TACC2: variants seen among roughly 807,000 people sequenced by gnomAD.
TACC2 encodes transforming acidic coiled-coil containing protein 2, also known as transforming acidic coiled-coil-containing protein 2.
TACC2 carries 137 observed loss-of-function variants against 227.3 expected under a neutral mutation model. The observed-to-expected ratio is 0.60, with a 90% confidence interval of 0.52 to 0.69. The LOEUF is 0.69. Among genes scored for constraint, TACC2 ranks in the 30% least tolerant of loss-of-function variants. The pLI is 0.00. For synonymous variants in TACC2, 1,523 were observed against 1,487.5 expected, an observed-to-expected ratio of 1.02 and a Z score of -0.55; for missense variants, 3,470 against 3,694.4, an observed-to-expected ratio of 0.94 and a Z score of 1.57.
chr10:122,149,244 C>G (rs1000868648), intron 7 of TACC2, among the ~76,000 whole-genome samples: 5 of 152,190 alleles, frequency 3.3e-5, no homozygotes, highest in Middle Eastern at 6.3e-3. Context: ...GAGTTGGCCT[C>G]TCACTCCCTG....
intron 7 of TACC2, among the ~76,000 whole-genome samples, chr10:122,191,645 C>T (rs964882768): frequency 2.0e-5 from 3 of 152,216 alleles, no homozygotes; most frequent in African/African-American, 7.2e-5. Flanking sequence ...TTGGTTTACA[C>T]TATAGAAATA....
chr10:122,156,685 G>C (rs2092505352), intron 7 of TACC2, among the ~76,000 whole-genome samples: 1 of 152,124 alleles, frequency 6.6e-6, no homozygotes, highest in South Asian at 2.1e-4. Context: ...TACAGCTTTG[G>C]GGTAGGTTTT....
chr10:122,192,888 C>T (rs1340109956), intron 7 of TACC2: 9 of 412,432 alleles, frequency 2.2e-5, no homozygotes, highest in Admixed American at 7.5e-5. Flanking sequence ...GGGCAGCACC[C>T]GGGGCAGCAC....
At chr10:122,221,841 G>C (rs982559869) in intron 11 of TACC2, among the ~76,000 whole-genome samples, 1 of 152,178 alleles carries the variant, frequency 6.6e-6, no homozygotes, top group Non-Finnish European at 1.5e-5. Flanking sequence ...AGGCGAGTTG[G>C]CTTCCCTGAT....
chr10:122,225,769 C>T (rs1169603327), intron 12 of TACC2, among the ~76,000 whole-genome samples: 1 of 152,218 alleles, frequency 6.6e-6, no homozygotes, highest in Non-Finnish European at 1.5e-5. Flanking sequence ...GCATGCCCTG[C>T]TCAGGAACAG....
At chr10:122,129,814 G>C (rs1177439736) in intron 5 of TACC2, among the ~76,000 whole-genome samples, 4 of 152,188 alleles carry the variant, frequency 2.6e-5, no homozygotes, top group African/African-American at 9.6e-5. Flanking sequence ...TCAGGATCTT[G>C]TTCTGGGGGA....
intron 1 of TACC2, among the ~76,000 whole-genome samples, chr10:121,990,550 C>T (rs910806232): frequency 3.3e-5 from 5 of 151,890 alleles, no homozygotes; most frequent in Non-Finnish European, 7.4e-5. Context: ...TGCCCAAGTA[C>T]GTTCCCACCA....
intron 2 of TACC2, among the ~76,000 whole-genome samples, chr10:122,028,735 C>T (rs1158263914): frequency 7.4e-6 from 1 of 134,876 alleles, no homozygotes; most frequent in African/African-American, 2.7e-5. Flanking sequence ...TCCTTCCTTC[C>T]CCCTCCCCTC....
intron 7 of TACC2, among the ~76,000 whole-genome samples, chr10:122,166,816 C>T (rs1298725846): frequency 6.6e-6 from 1 of 152,164 alleles, no homozygotes; most frequent in Non-Finnish European, 1.5e-5. Flanking sequence ...CAATAGTGAC[C>T]ATTTGTTTCT....
intron 6 of TACC2, among the ~76,000 whole-genome samples, chr10:122,135,919 C>G (rs915705081): frequency 1.3e-5 from 2 of 152,198 alleles, no homozygotes; most frequent in Non-Finnish European, 2.9e-5. Context: ...CAAATGAGCC[C>G]TAAGCATGAT....
At chr10:122,078,402 A>G (rs2079079033) in intron 3 of TACC2, among the ~76,000 whole-genome samples, 2 of 152,018 alleles carry the variant, frequency 1.3e-5, no homozygotes. Context: ...TGTTTCCAGA[A>G]CTATGCATTT....
chr10:122,193,527 G>A (rs1052331803), intron 7 of TACC2, among the ~76,000 whole-genome samples: 1 of 152,164 alleles, frequency 6.6e-6, no homozygotes, highest in African/African-American at 2.4e-5. Flanking sequence ...GGTGACACCG[G>A]TGCAGCTTGG....
intron 1 of TACC2, among the ~76,000 whole-genome samples, chr10:121,999,724 A>G (rs1954034577): frequency 6.6e-6 from 1 of 152,150 alleles, no homozygotes; most frequent in Admixed American, 6.6e-5. Flanking sequence ...ACAGGTGTGG[A>G]GGGAAATGAC....
rs763106857 is a variant in TACC2, at chr10:122,194,622, C to T, written c.5835-418C>T. Among the ~76,000 whole-genome samples the T allele has an allele frequency of 1.2e-4, 19 of 152,148 alleles. No individual in the cohort carries two copies. Among genetic ancestry groups the T allele is most frequent in the Non-Finnish European group, 2.8e-4 (19 of 68,028 alleles). Reference sequence around the variant, plus strand: ...GTCTATACTCACAAGTTATGAGAGGCGCTGAGAAGGCAGGACAGTAGAGAG... The same window carrying T: ...GTCTATACTCACAAGTTATGAGAGGTGCTGAGAAGGCAGGACAGTAGAGAG... On this transcript the variant is annotated intron_variant, in intron 7 of 22. Coordinates refer to ENST00000369005, the MANE Select transcript of TACC2 (RefSeq NM_206862.4). The surrounding 1 kb of genome is among the most constrained non-coding windows in gnomAD (Gnocchi z 4.4).
rs1591832864 is a variant in TACC2 at position 122,086,457 on chromosome 10, T to C, written c.3957T>C (p.Thr1319=). 3 of 1,613,874 alleles carry C rather than the reference T, an allele frequency of 1.9e-6. No homozygotes were observed. The highest frequency in any genetic ancestry group is 2.5e-6 in the Non-Finnish European group (3 of 1,180,032). The change falls in exon 4 of 23, where the codon ACT becomes ACC. Residue 1319 remains threonine (T), a synonymous_variant. Transcript: ENST00000369005. ...ASSGSPKART[T]EGPVDSMPCL... is the part of the protein sequence containing the mutation. ...GTGGTAGTCCCAAAGCCAGAACCACTGAGGGACCAGTGGACTCCATGCCAT... is the reference window on the plus strand; with the variant it reads ...GTGGTAGTCCCAAAGCCAGAACCACCGAGGGACCAGTGGACTCCATGCCAT...
intron 1 of TACC2, among the ~76,000 whole-genome samples, chr10:122,011,501 T>C (rs1180764033): frequency 6.6e-6 from 1 of 152,138 alleles, no homozygotes; most frequent in African/African-American, 2.4e-5. Flanking sequence ...AGCTAATTTT[T>C]GTATTTTCAG....
At chr10:122,176,449 C>G (rs920046587) in intron 7 of TACC2, among the ~76,000 whole-genome samples, 2 of 152,046 alleles carry the variant, frequency 1.3e-5, no homozygotes, top group African/African-American at 2.4e-5. Flanking sequence ...ATCAGAGGCT[C>G]CCACAGGGGA....
At chr10:122,049,693 T>C (rs2075459897) in intron 2 of TACC2, among the ~76,000 whole-genome samples, 1 of 152,106 alleles carries the variant, frequency 6.6e-6, no homozygotes, top group Non-Finnish European at 1.5e-5. Flanking sequence ...CTGATTTTTA[T>C]ATTATACTAA....
chr10:122,163,949 C>G, intron 7 of TACC2: 1 of 1,586,588 alleles, frequency 6.3e-7, no homozygotes, highest in South Asian at 1.2e-5. Flanking sequence ...GTCCCTGCAG[C>G]CAGCCCCAGC....
Sources: allele counts gnomAD v4.1 joint callset (sites outside exome capture counted in the v4.1 genomes callset), GRCh38; gene constraint gnomAD v4.1.1; non-coding constraint Gnocchi (gnomAD v3.1); transcripts MANE v1.5; gene names NCBI Gene and HGNC (gene_info 2026-07-23, HGNC 2026-07-21).